Variants in MTCL2 observed in about 807,000 individuals in gnomAD.
The protein encoded by MTCL2 is microtubule crosslinking factor 2.
At chr20:36,810,717 C>CCGCTCT in the MTCL2 span, among the ~76,000 whole-genome samples, 1 of 94,194 alleles carries the variant, frequency 1.1e-5, no homozygotes, top group Non-Finnish European at 2.1e-5. Flanking sequence ...TCTCTCTCTC[C>CCGCTCT]CTCTCTCTCT....
chr20:36,799,599 C>G, the MTCL2 span, among the ~76,000 whole-genome samples: 277 of 152,258 alleles, frequency 1.8e-3, 2 homozygotes, highest in African/African-American at 6.3e-3. Flanking sequence ...GGGAGGATCA[C>G]TTGAGCCTGG....
chr20:36,814,965 G>A, the MTCL2 span, among the ~76,000 whole-genome samples: 5 of 152,278 alleles, frequency 3.3e-5, no homozygotes, highest in Middle Eastern at 6.8e-3. Flanking sequence ...GGAGAGTGAG[G>A]GGGGGAGAAT....
At chr20:36,847,452 G>A in the MTCL2 span, among the ~76,000 whole-genome samples, 1 of 152,192 alleles carries the variant, frequency 6.6e-6, no homozygotes, top group Non-Finnish European at 1.5e-5. Context: ...CAAGAGCTAG[G>A]GAGAAGGGCA....
chr20:36,830,226 G>A, the MTCL2 span, among the ~76,000 whole-genome samples: 1 of 151,886 alleles, frequency 6.6e-6, no homozygotes, highest in African/African-American at 2.4e-5. Flanking sequence ...TCATCTTAAA[G>A]GGAGGAGACT....
At chr20:36,834,808 C>G in the MTCL2 span, among the ~76,000 whole-genome samples, 1 of 152,052 alleles carries the variant, frequency 6.6e-6, no homozygotes, top group Non-Finnish European at 1.5e-5. Context: ...TAGAGACCAG[C>G]CTGGCCAACA....
chr20:36,856,083 A>T, the MTCL2 span, among the ~76,000 whole-genome samples: 1 of 150,094 alleles, frequency 6.7e-6, no homozygotes, highest in African/African-American at 2.5e-5. Context: ...CCCTTCCCAG[A>T]CTCTCCCCAT....
the MTCL2 span, chr20:36,816,391 G>C: frequency 4.1e-6 from 5 of 1,210,368 alleles, no homozygotes; most frequent in Admixed American, 9.4e-5. Context: ...GGAGCACTAT[G>C]TGCTGGGAAC....
At chr20:36,817,280 A>AAG in the MTCL2 span, 1 of 885,572 alleles carries the variant, frequency 1.1e-6, no homozygotes, top group Non-Finnish European at 1.7e-6. Context: ...AAAAAAAAAA[A>AAG]AAAAGAAAAG....
the MTCL2 span, among the ~76,000 whole-genome samples, chr20:36,808,355 GA>G: frequency 1.6e-3 from 197 of 119,740 alleles, no homozygotes; most frequent in African/African-American, 1.9e-3. Flanking sequence ...CTCCATCTCG[GA>G]AAAAAAAAAA....
chr20:36,817,602 T>C, the MTCL2 span: 8 of 731,418 alleles, frequency 1.1e-5, no homozygotes, highest in African/African-American at 1.4e-4. Flanking sequence ...CCCACCCTGA[T>C]GGCACTGACT....
At chr20:36,812,586 T>C in the MTCL2 span, 3 of 1,343,296 alleles carry the variant, frequency 2.2e-6, no homozygotes, top group Non-Finnish European at 3.0e-6. Context: ...TGGAACCAAA[T>C]GGAATGCCCC....
chr20:36,812,973 A>G, the MTCL2 span: 1 of 1,141,872 alleles, frequency 8.8e-7, no homozygotes, highest in Admixed American at 2.7e-5. Context: ...GAGGGCTGGG[A>G]CCCTGGTAGA....
chr20:36,788,628 A>C, the MTCL2 span, among the ~76,000 whole-genome samples: 1 of 152,020 alleles, frequency 6.6e-6, no homozygotes. Flanking sequence ...ACAGAGCGAG[A>C]CTCCGTCTCA....
the MTCL2 span, chr20:36,780,044 C>T: frequency 6.6e-6 from 1 of 152,130 alleles, no homozygotes; most frequent in African/African-American, 2.4e-5. Context: ...AAAGTCAAAG[C>T]AGTGTCTCAT....
the MTCL2 span, among the ~76,000 whole-genome samples, chr20:36,828,180 C>T: frequency 6.6e-6 from 1 of 152,168 alleles, no homozygotes; most frequent in African/African-American, 2.4e-5. Flanking sequence ...CCTGGCTCTG[C>T]CTCTAGGGCC....
the MTCL2 span, among the ~76,000 whole-genome samples, chr20:36,817,817 AC>A: frequency 6.6e-6 from 1 of 152,224 alleles, no homozygotes; most frequent in Non-Finnish European, 1.5e-5. Context: ...TTTCCTGAGC[AC>A]CTATCAAGCG....
At chr20:36,858,254 G>A in the MTCL2 span, among the ~76,000 whole-genome samples, 1 of 151,308 alleles carries the variant, frequency 6.6e-6, no homozygotes. Context: ...AGGCCCTTCT[G>A]AGCTGACATC....
chr20:36,796,944 A>C, the MTCL2 span: 1 of 1,613,956 alleles, frequency 6.2e-7, no homozygotes, highest in Non-Finnish European at 8.5e-7. Context: ...GGATCTTCTC[A>C]CTGCGTGTCT....
chr20:36,779,437 G>GC, the MTCL2 span: 49 of 152,426 alleles, frequency 3.2e-4, no homozygotes, highest in Middle Eastern at 3.4e-3. Context: ...AGGGATCCAA[G>GC]CCCCCCCCAC....
Sources: allele counts gnomAD v4.1 joint callset (sites outside exome capture counted in the v4.1 genomes callset), GRCh38; gene constraint gnomAD v4.1.1; transcripts MANE v1.5; gene names NCBI Gene and HGNC (gene_info 2026-07-23, HGNC 2026-07-21).